RAB25: variants seen among roughly 807,000 people sequenced by gnomAD.
RAB25 encodes ras-related protein Rab-25.
RAB25 carries 23 observed loss-of-function variants against 25.2 expected under a neutral mutation model. The ratio of observed to expected loss-of-function variants is 0.91; its 90% CI spans 0.66 to 1.29. RAB25 has a LOEUF of 1.29. Ranked by LOEUF, RAB25 falls within the 50% of genes most tolerant of loss-of-function variation. The pLI, the probability that RAB25 is intolerant of heterozygous loss-of-function variation, is 0.00. For synonymous variants in RAB25, 102 were observed against 111.5 expected, an observed-to-expected ratio of 0.91 and a Z score of 0.54; for missense variants, 244 against 277.3, an observed-to-expected ratio of 0.88 and a Z score of 0.85.
chr1:156,063,328 T>G (rs538437987), intron 1 of RAB25, among the ~76,000 whole-genome samples: 54 of 152,238 alleles, frequency 3.5e-4, no homozygotes, highest in African/African-American at 1.2e-3. Flanking sequence ...AATTTTTGTA[T>G]TTTTAGTAGA....
rs768812723 is a variant in RAB25 at position 156,068,288 on chromosome 1, G to A, written c.258G>A (p.Val86=). Reference sequence around the variant, plus strand: ...CACCCAGGTACTATCGTGGTGCAGTGGGGGCCCTCCTGGTGTTTGACCTAA... The same window carrying A: ...CACCCAGGTACTATCGTGGTGCAGTAGGGGCCCTCCTGGTGTTTGACCTAA... ...AITSAYYRGA[V]GALLVFDLTK... The change falls in exon 3 of 5, where the codon GTG becomes GTA. Residue 86 remains valine, a synonymous_variant. Transcript: ENST00000361084. 1 of 1,613,062 alleles carries A rather than the reference G, an allele frequency of 6.2e-7. No homozygotes were observed.
intron 1 of RAB25, among the ~76,000 whole-genome samples, chr1:156,063,223 C>T (rs1572291676): frequency 3.3e-5 from 5 of 152,120 alleles, no homozygotes; most frequent in Admixed American, 3.3e-4. Context: ...GCAATCTCCG[C>T]CTTCCTACAA....
chr1:156,063,230 A>AATCTCCGCCTTCCTG (rs571206522), intron 1 of RAB25, among the ~76,000 whole-genome samples: 336 of 151,842 alleles, frequency 2.2e-3, no homozygotes, highest in Non-Finnish European at 3.2e-3. Context: ...CCGCCTTCCT[A>AATCTCCGCCTTCCTG]CAACCTCCGC....
chr1:156,068,177 T>C (rs1032093411), intron 2 of RAB25, 93 bp from the exon 3 acceptor site: 1 of 1,154,358 alleles, frequency 8.7e-7, no homozygotes, highest in Non-Finnish European at 1.3e-6. Flanking sequence ...TCTAGTACTC[T>C]GATCCCGGGT....
chr1:156,068,491 C>A (rs1195826479), intron 3 of RAB25, 28 bp downstream of exon 3: 2 of 1,600,736 alleles, frequency 1.2e-6, no homozygotes, highest in East Asian at 2.2e-5. Context: ...CCCAGGCTGA[C>A]TCCTCCAAGC....
Position 156,066,115 on chromosome 1 carries a change from G to A in RAB25, c.239+9G>A, listed in dbSNP as rs776246064. 1.0e-5 allele frequency: 16 copies of A among 1,544,492 alleles called. No homozygotes were observed. The African/African-American group carries it at 1.1e-4, about 11-fold the overall frequency. ...CGAGCCATCACCTCGGCGTGAGCCCGGGCCTGGGGGGCTGCTGGGTGGTGG... is the reference window on the plus strand; with the variant it reads ...CGAGCCATCACCTCGGCGTGAGCCCAGGCCTGGGGGGCTGCTGGGTGGTGG... On this transcript the variant is annotated intron_variant, in intron 2 of 4. Transcript: ENST00000361084.
chr1:156,063,052 T>TAA (rs1158919173), intron 1 of RAB25, among the ~76,000 whole-genome samples: 10 of 67,896 alleles, frequency 1.5e-4, no homozygotes, highest in Middle Eastern at 9.3e-3. Flanking sequence ...AGACTCTGTC[T>TAA]AAAAAAAAAA....
At chr1:156,061,607 G>A (rs1041098467) in intron 1 of RAB25, among the ~76,000 whole-genome samples, 164 bp downstream of exon 1, 3 of 152,104 alleles carry the variant, frequency 2.0e-5, no homozygotes, top group African/African-American at 7.2e-5. Flanking sequence ...GGGTCTGGTT[G>A]CAGGGGCAAA....
At chr1:156,065,666 A>T (rs1460613281) in intron 1 of RAB25, among the ~76,000 whole-genome samples, 1 of 152,202 alleles carries the variant, frequency 6.6e-6, no homozygotes, top group African/African-American at 2.4e-5. Context: ...TGACTCTGCA[A>T]CCATGTATCA....
intron 1 of RAB25, among the ~76,000 whole-genome samples, chr1:156,063,044 ACT>A (rs1647627434): frequency 7.5e-6 from 1 of 132,804 alleles, no homozygotes; most frequent in Non-Finnish European, 1.6e-5. Flanking sequence ...ACAGAGCAAG[ACT>A]CTGTCTAAAA....
rs764733926 is a variant in RAB25, at chr1:156,061,442, G to A, written c.42G>A (p.Lys14=). The A allele has an allele frequency of 2.5e-6, 4 of 1,613,938 alleles. No homozygotes were observed. The highest frequency in any genetic ancestry group is 1.3e-5 in the African/African-American group (1 of 75,062). The part of the protein sequence containing the change: ...GTEEDYNFVF[K]VVLIGESGVG... Reference sequence around the variant, plus strand: ...AGGAAGATTATAACTTTGTCTTCAAGGGTGAGTTGGGTTCCCTGAAGCAAG... The same window carrying A: ...AGGAAGATTATAACTTTGTCTTCAAAGGTGAGTTGGGTTCCCTGAAGCAAG... The change falls in exon 1 of 5, where the codon AAG becomes AAA. Residue 14 remains lysine (K), a splice_region_variant and synonymous_variant. Coordinates refer to ENST00000361084, the MANE Select transcript of RAB25 (RefSeq NM_020387.4).
chr1:156,061,551 T>C, intron 1 of RAB25, 108 bp downstream of exon 1: 3 of 1,168,990 alleles, frequency 2.6e-6, no homozygotes, highest in South Asian at 1.3e-5. Context: ...CAAGACCTCC[T>C]GGGGCTCCTC....
Position 156,066,712 on chromosome 1 carries a change from GT to G in RAB25, c.239+607del, listed in dbSNP as rs1439377553. Among the ~76,000 whole-genome samples the G allele has an allele frequency of 2.0e-5, 3 of 152,106 alleles. No individual in the cohort carries two copies. In the South Asian group the frequency reaches 6.2e-4, roughly 32 times the overall value. ...CCAGCACTTTGGGAGGCCAAGGTGGGTGGATCGCTTGAGCTCATGAATTCGA... is the reference window on the plus strand; with the variant it reads ...CCAGCACTTTGGGAGGCCAAGGTGGGGGATCGCTTGAGCTCATGAATTCGA... On this transcript the variant is annotated intron_variant, in intron 2 of 4. Coordinates refer to ENST00000361084, the MANE Select transcript of RAB25 (RefSeq NM_020387.4).
rs1421420557 is a variant in RAB25, at chr1:156,070,343, C to A, written c.*56C>A. 1.3e-6 allele frequency: 2 copies of A among 1,591,406 alleles called. No individual in the cohort carries two copies. Among genetic ancestry groups the A allele is most frequent in the South Asian group, 1.1e-5 (1 of 87,544 alleles). ...TTTTTGGTGCCCCTTGTCCCCACTT[C>A]AGCCCCAGGACCTTTCCTTGCCCTT... On this transcript the variant is annotated 3_prime_UTR_variant, in exon 5 of 5. Coordinates refer to ENST00000361084, the MANE Select transcript of RAB25 (RefSeq NM_020387.4).
rs767296287 is a variant in RAB25, at chr1:156,068,250, T to G, written c.240-20T>G. ...ATGCCTCTGATCGTATCTCTGTCCA[T>G]CCTTCTCATTCCCACCCAGGTACTA... On this transcript the variant is annotated intron_variant, in intron 2 of 4. Coordinates refer to ENST00000361084, the MANE Select transcript of RAB25 (RefSeq NM_020387.4). The G allele has an allele frequency of 3.8e-5, 60 of 1,593,982 alleles. No homozygotes were observed. The highest frequency in any genetic ancestry group is 5.1e-5 in the Non-Finnish European group (59 of 1,162,198).
At chr1:156,063,243 C>T (rs947177219) in intron 1 of RAB25, among the ~76,000 whole-genome samples, 27 of 151,696 alleles carry the variant, frequency 1.8e-4, no homozygotes, top group African/African-American at 6.3e-4. Context: ...ACCTCCGCCT[C>T]CTGGGTTCAA....
At chr1:156,062,466 C>T (rs1207940944) in intron 1 of RAB25, among the ~76,000 whole-genome samples, 2 of 152,176 alleles carry the variant, frequency 1.3e-5, no homozygotes, top group African/African-American at 4.8e-5. Flanking sequence ...TACCCCAATG[C>T]CTCTCCCAAC....
intron 1 of RAB25, 138 bp from the exon 2 acceptor site, chr1:156,065,773 C>A: frequency 1.6e-6 from 1 of 620,300 alleles, no homozygotes; most frequent in Non-Finnish European, 2.6e-6. Flanking sequence ...GTTGCAGACT[C>A]CAGTCTCACA....
At position 156,067,155 on chromosome 1, in the gene RAB25, C is replaced by G. The variant is rs988338107; in HGVS notation, c.239+1049C>G. Among the ~76,000 whole-genome samples, 4 of 151,498 alleles carry G rather than the reference C, an allele frequency of 2.6e-5. No individual in the cohort carries two copies. The South Asian group carries it at 8.4e-4, about 32-fold the overall frequency. On this transcript the variant is annotated intron_variant, in intron 2 of 4. Transcript: ENST00000361084. ...GGCTGAGACAGGAGAATCACTCGAA[C>G]CTGGGAGGTGGAGGTTGCAGTGAGC... is the stretch of plus-strand genomic sequence containing the variant.
Sources: gnomAD v4.1 joint callset for allele counts (sites outside exome capture counted in the v4.1 genomes callset) on GRCh38, gnomAD v4.1.1 for gene constraint, MANE v1.5 for transcripts, NCBI Gene and HGNC (gene_info 2026-07-23, HGNC 2026-07-21) for gene names.